The following ADCY1 variants were observed in gnomAD, a reference collection of about 807,000 sequenced individuals.
ADCY1 encodes the protein adenylate cyclase 1.
In ADCY1, 28 loss-of-function variants were observed where a neutral mutation model predicts 105.4. The observed-to-expected ratio is 0.27, with a 90% CI of 0.20 to 0.36. The LOEUF is 0.36. ADCY1 is among the 10% of genes least tolerant of loss of function. The pLI, the probability that ADCY1 is intolerant of heterozygous loss-of-function variation, is 1.00. For synonymous variants in ADCY1, 655 were observed against 623.8 expected, an observed-to-expected ratio of 1.05 and a Z score of -0.75; for missense variants, 977 against 1,434.2, an observed-to-expected ratio of 0.68 and a Z score of 5.15.
chr7:45,592,230 G>A (rs1486307831), intron 1 of ADCY1, among the ~76,000 whole-genome samples: 1 of 152,210 alleles, frequency 6.6e-6, no homozygotes, highest in East Asian at 1.9e-4. Context: ...GAATCTCACA[G>A]TCTGGAGGCC....
Position 45,703,254 on chromosome 7 carries a change from G to A in ADCY1, c.2455-122G>A. 1.2e-6 allele frequency: 1 copy of A among 856,274 alleles called. No individual in the cohort carries two copies. Among genetic ancestry groups the A allele is most frequent in the South Asian group, 1.5e-5 (1 of 67,946 alleles). 53.0% of individuals were successfully genotyped at this position (856,274 alleles called of 1,614,324 possible). A position where few individuals can be genotyped will look rare whatever the true frequency, so the allele number is the denominator to read the frequency against. On this transcript the variant is annotated intron_variant, in intron 14 of 19. Coordinates refer to ENST00000297323, the MANE Select transcript of ADCY1 (RefSeq NM_021116.4). The surrounding 1 kb of genome is among the most constrained non-coding windows in gnomAD (Gnocchi z 5.9). ...CATCTAGTGGGGAGGAGGGACAGGA[G>A]CGTGGATGTAGACCATCAGCACACC...
At position 45,662,079 on chromosome 7, in the gene ADCY1, C is replaced by T. The variant is rs1369448895; in HGVS notation, c.1470C>T (p.Leu490=). The T allele has an allele frequency of 5.0e-6, 8 of 1,613,984 alleles. No individual in the cohort carries two copies. Among genetic ancestry groups the T allele is most frequent in the African/African-American group, 1.3e-5 (1 of 74,942 alleles). ...HRRKIFPGLI[L]SDIKPAKRMK... is the part of the protein sequence containing the mutation. ...GACAGATATTTCCAGGCCTGATTCTCTCAGATATAAAACCGGCCAAAAGGA... is the reference window on the plus strand; with the variant it reads ...GACAGATATTTCCAGGCCTGATTCTTTCAGATATAAAACCGGCCAAAAGGA... The change falls in exon 8 of 20, where the codon CTC becomes CTT. Residue 490 remains leucine, a synonymous_variant. Transcript: ENST00000297323.
At chr7:45,605,926 CTG>C (rs1771762968) in intron 2 of ADCY1, among the ~76,000 whole-genome samples, 1 of 152,060 alleles carries the variant, frequency 6.6e-6, no homozygotes, top group Non-Finnish European at 1.5e-5. Flanking sequence ...GTATGAGCCT[CTG>C]TATATTATTT....
intron 7 of ADCY1, among the ~76,000 whole-genome samples, chr7:45,660,418 C>T (rs557482260): frequency 3.3e-5 from 5 of 152,314 alleles, no homozygotes; most frequent in South Asian, 2.1e-4. Flanking sequence ...GGGATCACCT[C>T]GGGGCAGGCC....
At chr7:45,622,125 T>G (rs1793915767) in intron 3 of ADCY1, among the ~76,000 whole-genome samples, 1 of 152,150 alleles carries the variant, frequency 6.6e-6, no homozygotes, top group Non-Finnish European at 1.5e-5. Context: ...GCGGCCCCTT[T>G]GCCCAGGAAT....
chr7:45,646,153 T>C (rs180991340), intron 4 of ADCY1, among the ~76,000 whole-genome samples: 22 of 152,162 alleles, frequency 1.4e-4, no homozygotes, highest in African/African-American at 4.6e-4. Context: ...ACCAGGGCAG[T>C]GCCAATGGGG....
intron 16 of ADCY1, among the ~76,000 whole-genome samples, chr7:45,704,023 G>A (rs1785055915): frequency 6.6e-6 from 1 of 152,174 alleles, no homozygotes. Context: ...ATCTACAGTG[G>A]CCAGGGCTGG....
At chr7:45,626,830 G>T (rs1177206099) in intron 4 of ADCY1, among the ~76,000 whole-genome samples, 1 of 152,210 alleles carries the variant, frequency 6.6e-6, no homozygotes, top group Admixed American at 6.5e-5. Context: ...AAGGAGGACG[G>T]GGCCTTGCCC....
At chr7:45,633,844 T>C (rs887117284) in intron 4 of ADCY1, among the ~76,000 whole-genome samples, 5 of 151,310 alleles carry the variant, frequency 3.3e-5, no homozygotes, top group African/African-American at 1.2e-4. Flanking sequence ...CCGTAATTAC[T>C]TAAATTACTT....
chr7:45,628,210 T>C (rs1562695673), intron 4 of ADCY1, among the ~76,000 whole-genome samples: 1 of 152,216 alleles, frequency 6.6e-6, no homozygotes, highest in Non-Finnish European at 1.5e-5. Flanking sequence ...CTAAAGCTTG[T>C]GCTCGTATAC....
chr7:45,606,697 T>A (rs974335912), intron 2 of ADCY1, among the ~76,000 whole-genome samples: 19 of 152,228 alleles, frequency 1.2e-4, no homozygotes, highest in African/African-American at 4.1e-4. Context: ...AAGTAGAGTC[T>A]TCACAATTGT....
Position 45,686,763 on chromosome 7 carries a change from A to C in ADCY1, c.2454+90A>C. Reference sequence around the variant, plus strand: ...GCATCTGACGGGGGCTGCCACAGACACCCACACGCCGTATGGCCCTCGGAG... The same window carrying C: ...GCATCTGACGGGGGCTGCCACAGACCCCCACACGCCGTATGGCCCTCGGAG... On this transcript the variant is annotated intron_variant, in intron 14 of 19. Coordinates refer to ENST00000297323, the MANE Select transcript of ADCY1 (RefSeq NM_021116.4). The surrounding 1 kb of genome is among the most constrained non-coding windows in gnomAD (Gnocchi z 4.3). 6.7e-7 allele frequency: 1 copy of C among 1,496,896 alleles called. No individual in the cohort carries two copies. Among genetic ancestry groups the C allele is most frequent in the Admixed American group, 2.1e-5 (1 of 46,532 alleles). The allele number at this position is 1,496,896 out of a possible 1,614,324, so 92.7% of individuals were successfully genotyped here.
intron 4 of ADCY1, among the ~76,000 whole-genome samples, chr7:45,641,804 T>G (rs1794531583): frequency 7.0e-6 from 1 of 143,360 alleles, no homozygotes; most frequent in African/African-American, 2.6e-5. Flanking sequence ...CGGGCGCCTG[T>G]AGTCCCAGCT....
intron 4 of ADCY1, among the ~76,000 whole-genome samples, chr7:45,626,874 TG>T (rs1482902196): frequency 6.6e-6 from 1 of 152,076 alleles, no homozygotes; most frequent in African/African-American, 2.4e-5. Flanking sequence ...GTGACAGCCT[TG>T]GGGTGCAGAG....
At position 45,660,033 on chromosome 7, in the gene ADCY1, C is replaced by T; in HGVS notation, c.1308-9C>T. On this transcript the variant is annotated splice_polypyrimidine_tract_variant and intron_variant, in intron 6 of 19. Coordinates refer to ENST00000297323, the MANE Select transcript of ADCY1 (RefSeq NM_021116.4). ...CCACTCATCTGGCCTCTGCCTCCTC[C>T]TTTTGTAGGAAGGTTCATATCACAA... 1 of 1,613,978 alleles carries T rather than the reference C, an allele frequency of 6.2e-7. No individual in the cohort carries two copies. The highest frequency in any genetic ancestry group is 8.5e-7 in the Non-Finnish European group (1 of 1,179,932).
intron 19 of ADCY1, among the ~76,000 whole-genome samples, chr7:45,712,780 C>G (rs894998205): frequency 6.6e-6 from 1 of 152,174 alleles, no homozygotes; most frequent in Non-Finnish European, 1.5e-5. Flanking sequence ...CGCAGAGATA[C>G]CAGTCATGTC....
intron 17 of ADCY1, among the ~76,000 whole-genome samples, chr7:45,706,340 T>C (rs996688745): frequency 6.6e-6 from 1 of 152,018 alleles, no homozygotes; most frequent in Non-Finnish European, 1.5e-5. Flanking sequence ...GGCAAAAGAA[T>C]AGGCAAATAG....
At chr7:45,597,456 G>A (rs1250656675) in intron 2 of ADCY1, among the ~76,000 whole-genome samples, 1 of 152,182 alleles carries the variant, frequency 6.6e-6, no homozygotes, top group African/African-American at 2.4e-5. Context: ...CAATTTCCTG[G>A]CTTATGATGC....
At chr7:45,585,878 G>T (rs1013978906) in intron 1 of ADCY1, among the ~76,000 whole-genome samples, 1 of 152,162 alleles carries the variant, frequency 6.6e-6, no homozygotes, top group Non-Finnish European at 1.5e-5. Flanking sequence ...TGGGTGGGTG[G>T]GGGTGGACAA....
Sources: gnomAD v4.1 joint callset for allele counts (sites outside exome capture counted in the v4.1 genomes callset) on GRCh38, gnomAD v4.1.1 for gene constraint, Gnocchi (gnomAD v3.1) non-coding constraint, MANE v1.5 for transcripts, NCBI Gene and HGNC (gene_info 2026-07-23, HGNC 2026-07-21) for gene names.